The following CCDC40 variants were observed in gnomAD, a reference collection of about 807,000 sequenced individuals.
The protein encoded by CCDC40 is coiled-coil domain-containing protein 40.
Under a neutral mutation model 124.5 loss-of-function variants are expected in CCDC40, and 104 were observed. That is an observed-to-expected ratio of 0.84 (90% CI 0.71 to 0.98). The LOEUF (loss-of-function observed/expected upper bound fraction) is 0.98. CCDC40 is among the 50% of genes least tolerant of loss of function. The pLI is 0.00. For synonymous variants in CCDC40, 580 were observed against 602.9 expected (o/e 0.96, Z 0.56); for missense variants, 1,463 against 1,503.9 (o/e 0.97, Z 0.45).
In CCDC40 at chr17:80,086,232, C is replaced by A; in HGVS notation, c.2449+16C>A. 6.4e-7 allele frequency: 1 copy of A among 1,569,688 alleles called. No homozygotes were observed. The highest frequency in any genetic ancestry group is 8.6e-7 in the Non-Finnish European group (1 of 1,157,152). On this transcript the variant is annotated intron_variant, in intron 14 of 19. Transcript: ENST00000397545. This position sits in a 1 kb window ranked among gnomAD's most constrained non-coding sequence, Gnocchi z 5.5. The stretch of plus-strand genomic sequence containing the variant: ...CGAGTAGAAAGTAAGAGCCGCCGTG[C>A]CCGGCCCTGCAGTGATGCTGAGACG...
chr17:80,081,797 C>G lies in CCDC40; in HGVS notation c.1806+8C>G. 1 of 1,613,890 alleles carries G rather than the reference C, an allele frequency of 6.2e-7. No homozygotes were observed. ...CTCAGCCAGGACCAGCTGGTGAGGC[C>G]GGGCCCGCCCCACAGGTCACACCTG... On this transcript the variant is annotated splice_region_variant and intron_variant, in intron 11 of 19. Transcript: ENST00000397545.
chr17:80,043,801 G>A (rs1024846342), intron 3 of CCDC40, among the ~76,000 whole-genome samples: 3 of 151,440 alleles, frequency 2.0e-5, no homozygotes, highest in South Asian at 4.2e-4. Flanking sequence ...TTACAGGCAT[G>A]AGCCACCACG....
At chr17:80,040,837 G>T (rs2037260148) in intron 3 of CCDC40, among the ~76,000 whole-genome samples, 1 of 152,150 alleles carries the variant, frequency 6.6e-6, no homozygotes, top group South Asian at 2.1e-4. Context: ...AAGTTCCCAG[G>T]CTTCCAGAGC....
At chr17:80,085,062 C>T in intron 13 of CCDC40, 74 bp downstream of exon 13, 1 of 1,568,696 alleles carries the variant, frequency 6.4e-7, no homozygotes, top group Middle Eastern at 2.2e-4. Flanking sequence ...CCTCAGATCC[C>T]CCACGGTCAG....
At chr17:80,089,346 T>C (rs946592484) in intron 16 of CCDC40, among the ~76,000 whole-genome samples, 1 of 152,226 alleles carries the variant, frequency 6.6e-6, no homozygotes, top group Non-Finnish European at 1.5e-5. Context: ...TGATAGAATC[T>C]AGGCAAAAAA....
chr17:80,065,286 A>G (rs545039405), intron 9 of CCDC40, among the ~76,000 whole-genome samples, 199 bp from the exon 10 acceptor site: 35 of 145,706 alleles, frequency 2.4e-4, no homozygotes, highest in African/African-American at 9.0e-4. Context: ...GCCCTGAGCA[A>G]AGGCTCAAAG....
Position 80,087,999 on chromosome 17 carries a change from T to G in CCDC40, c.2620-12T>G. The stretch of plus-strand genomic sequence containing the variant: ...CCCTCCCCACAGCTGTCCCGCCCCC[T>G]CCCCCATGCAGGCCTCTGAGAGGGA... On this transcript the variant is annotated splice_polypyrimidine_tract_variant and intron_variant, in intron 15 of 19. Transcript: ENST00000397545. The surrounding 1 kb of genome is among the most constrained non-coding windows in gnomAD (Gnocchi z 4.5). 17 of 791,024 alleles carry G rather than the reference T, an allele frequency of 2.1e-5. No homozygotes were observed. The highest frequency in any genetic ancestry group is 3.3e-5 in the Non-Finnish European group (16 of 492,268). 49.0% of individuals were successfully genotyped at this position (791,024 alleles called of 1,614,324 possible).
chr17:80,057,745 G>T (rs1279212885), intron 7 of CCDC40, among the ~76,000 whole-genome samples: 1 of 151,944 alleles, frequency 6.6e-6, no homozygotes, highest in Non-Finnish European at 1.5e-5. Context: ...GCGTGGTGGC[G>T]GGCGCCTGTA....
rs572933884 is a variant in CCDC40, at chr17:80,067,554, C to T, written c.1562+1948C>T. On this transcript the variant is annotated intron_variant, in intron 10 of 19. Coordinates refer to ENST00000397545, the MANE Select transcript of CCDC40 (RefSeq NM_017950.4). ...TCAAAATATAAACACCGCTCGTTCC[C>T]GCCTTTCTACCACATGGCATTCCGC... is the stretch of plus-strand genomic sequence containing the variant. 385 of 1,529,412 alleles carry T rather than the reference C, an allele frequency of 2.5e-4. 2 individuals carry two copies. In the South Asian group the frequency reaches 3.9e-3, roughly 16 times the overall value. 94.7% of individuals were successfully genotyped at this position (1,529,412 alleles called of 1,614,324 possible).
chr17:80,099,556 A>T lies in CCDC40; in HGVS notation c.3210A>T (p.Thr1070=). The T allele has an allele frequency of 6.2e-7, 1 of 1,611,560 alleles. No homozygotes were observed. Among genetic ancestry groups the T allele is most frequent in the Non-Finnish European group, 8.5e-7 (1 of 1,179,936 alleles). ...QNLSEIVALQ[T]RLKHLQAVKE... The stretch of plus-strand genomic sequence containing the variant: ...TTTCAGAGATCGTGGCCCTGCAGAC[A>T]CGCCTTAAGCACCTGCAGGCTGTGA... Residue 1070 remains threonine (T), a synonymous_variant, in exon 20 of 20, where the codon ACA becomes ACT. Coordinates refer to ENST00000397545, the MANE Select transcript of CCDC40 (RefSeq NM_017950.4).
intron 13 of CCDC40, among the ~76,000 whole-genome samples, chr17:80,085,655 G>A (rs976569851): frequency 4.7e-5 from 7 of 147,616 alleles, no homozygotes; most frequent in Non-Finnish European, 3.0e-5. Flanking sequence ...AGCCCAAGAA[G>A]GCTAATTTTG....
intron 10 of CCDC40, chr17:80,067,786 G>C: frequency 2.1e-6 from 3 of 1,457,776 alleles, no homozygotes; most frequent in East Asian, 2.5e-5. Flanking sequence ...TCACGCCCCC[G>C]GCAGCGGTGT....
chr17:80,087,785 G>A lies in CCDC40; in HGVS notation c.2619+9G>A, dbSNP rs752961530. On this transcript the variant is annotated intron_variant, in intron 15 of 19. Coordinates refer to ENST00000397545, the MANE Select transcript of CCDC40 (RefSeq NM_017950.4). The surrounding 1 kb of genome is among the most constrained non-coding windows in gnomAD (Gnocchi z 4.5). ...TCGTGCGCTCGCTGAAGGTCCGGCC[G>A]TGTCCACGCAGTCCCGGGGCTCAGG... 23 of 1,613,594 alleles carry A rather than the reference G, an allele frequency of 1.4e-5. No individual in the cohort carries two copies. Among genetic ancestry groups the A allele is most frequent in the African/African-American group, 5.3e-5 (4 of 75,038 alleles).
intron 3 of CCDC40, among the ~76,000 whole-genome samples, chr17:80,043,623 T>TTC (rs1158872910): frequency 6.6e-6 from 1 of 150,868 alleles, no homozygotes; most frequent in Non-Finnish European, 1.5e-5. Flanking sequence ...TTTTTTTTTT[T>TTC]TTGAAACAGA....
chr17:80,070,720 C>T (rs1468429615), intron 10 of CCDC40, among the ~76,000 whole-genome samples: 7 of 151,306 alleles, frequency 4.6e-5, no homozygotes, highest in Admixed American at 6.6e-5. Context: ...TGCAGTGAGC[C>T]GAGATGGTGC....
At chr17:80,044,716 A>AATATATATATATATATATATATATATAT (rs10582928) in intron 3 of CCDC40, among the ~76,000 whole-genome samples, 5 of 131,764 alleles carry the variant, frequency 3.8e-5, no homozygotes, top group Admixed American at 1.4e-4. Flanking sequence ...CAAAAAAAAA[A>AATATATATATATATATATATATATATAT]ATATATATAT....
At chr17:80,059,756 C>T (rs984529619) in intron 9 of CCDC40, among the ~76,000 whole-genome samples, 9 of 152,094 alleles carry the variant, frequency 5.9e-5, no homozygotes, top group Non-Finnish European at 1.3e-4. Flanking sequence ...AACAGGGTTT[C>T]ACCATGTTGG....
chr17:80,037,688 A>AAAAAAAAAATATATATAT, intron 1 of CCDC40, among the ~76,000 whole-genome samples: 4 of 45,676 alleles, frequency 8.8e-5, no homozygotes, highest in African/African-American at 2.4e-4. Context: ...TTTTTTAAAA[A>AAAAAAAAAATATATATAT]AGATATACAT....
chr17:80,056,306 G>A (rs1156970594), intron 7 of CCDC40, among the ~76,000 whole-genome samples: 5 of 151,740 alleles, frequency 3.3e-5, no homozygotes, highest in Admixed American at 2.0e-4. Context: ...CACGTGCTGC[G>A]GATATTCCAC....
Sources: allele counts gnomAD v4.1 joint callset (sites outside exome capture counted in the v4.1 genomes callset), GRCh38; gene constraint gnomAD v4.1.1; non-coding constraint Gnocchi (gnomAD v3.1); transcripts MANE v1.5; gene names NCBI Gene and HGNC (gene_info 2026-07-23, HGNC 2026-07-21).